TPR: variants seen among roughly 807,000 people sequenced by gnomAD.
TPR encodes the protein nucleoprotein TPR.
Under a neutral mutation model 316.1 loss-of-function variants are expected in TPR, and 51 were observed. The ratio of observed to expected loss-of-function variants is 0.16; its 90% CI spans 0.13 to 0.20. The LOEUF (loss-of-function observed/expected upper bound fraction) is 0.20, where lower values mean the gene tolerates loss of function less well. Among genes scored for constraint, TPR ranks in the 10% least tolerant of loss-of-function variants. The pLI is 1.00. For missense variants in TPR, 2,272 were observed against 2,754.8 expected, an observed-to-expected ratio of 0.82 and a Z score of 3.92; for synonymous variants, 981 against 914.7, an observed-to-expected ratio of 1.07 and a Z score of -1.31.
intron 48 of TPR, among the ~76,000 whole-genome samples, chr1:186,318,034 T>A (rs1281954352): frequency 6.6e-6 from 1 of 152,222 alleles, no homozygotes; most frequent in East Asian, 1.9e-4. Context: ...AGATAGGCTA[T>A]GGGTATGTAA....
chr1:186,328,905 T>C (rs1455301153), intron 39 of TPR, among the ~76,000 whole-genome samples: 1 of 152,190 alleles, frequency 6.6e-6, no homozygotes, highest in African/African-American at 2.4e-5. Context: ...AAGCACTCAC[T>C]AAAATCAATT....
In TPR at chr1:186,343,987, A is replaced by C; in HGVS notation, c.3521T>G (p.Val1174Gly). 6.2e-7 allele frequency: 1 copy of C among 1,614,132 alleles called. No individual in the cohort carries two copies. ...CAGTGGACCTTGTACACCTTCCTTC[A>C]CAGAGGCAACGACCTTGTCACTTAA... The part of the protein sequence containing the change: ...EKLSDKVVAS[V>G]KEGVQGPLNV... The change falls in exon 26 of 51, where the codon GTG becomes GGG. Residue 1174 changes from valine (V) to glycine (G), a missense_variant. Physicochemically the swap from Val to Gly is moderately radical, Grantham distance 109 (BLOSUM62 -3). Transcript: ENST00000367478.
At position 186,343,910 on chromosome 1, in the gene TPR, G is replaced by A. The variant is rs747184771; in HGVS notation, c.3598C>T (p.Leu1200Phe). The part of the protein sequence containing the change: ...GKSQEQILEI[L>F]RFIRREKEIA... ...AGCAGTAAGAACATGATTTACCTGAGAATTTCCAAAATTTGTTCTTGAGAT... is the reference window on the plus strand; with the variant it reads ...AGCAGTAAGAACATGATTTACCTGAAAATTTCCAAAATTTGTTCTTGAGAT... Residue 1200 changes from leucine to phenylalanine, a missense_variant, in exon 26 of 51, where the codon CTC becomes TTC. Leu to Phe is a conservative substitution (Grantham distance 22). Coordinates refer to ENST00000367478, the MANE Select transcript of TPR (RefSeq NM_003292.3). The A allele has an allele frequency of 6.8e-6, 11 of 1,612,324 alleles. No individual in the cohort carries two copies. Among genetic ancestry groups the A allele is most frequent in the Non-Finnish European group, 8.5e-7 (1 of 1,179,186 alleles).
At chr1:186,369,044 T>G (rs972935481) in intron 3 of TPR, among the ~76,000 whole-genome samples, 1 of 152,224 alleles carries the variant, frequency 6.6e-6, no homozygotes, top group African/African-American at 2.4e-5. Context: ...GCACCCTTGT[T>G]GAAATTAGTT....
At chr1:186,329,967 A>T (rs555062823) in intron 39 of TPR, among the ~76,000 whole-genome samples, 1 of 152,268 alleles carries the variant, frequency 6.6e-6, no homozygotes, top group East Asian at 1.9e-4. Flanking sequence ...ACTTCGGTAC[A>T]CTACTTTATC....
In TPR at chr1:186,313,393, A is replaced by G. The variant is rs1571590084; in HGVS notation, c.*578T>C. On this transcript the variant is annotated 3_prime_UTR_variant, in exon 51 of 51. Coordinates refer to ENST00000367478, the MANE Select transcript of TPR (RefSeq NM_003292.3). ...TGTATTTTTTAAAAGGAATAACCCC[A>G]AGTAAATTATTTTTCAAACTTGGTT... 1 of 375,584 alleles carries G rather than the reference A, an allele frequency of 2.7e-6. No individual in the cohort carries two copies. Among genetic ancestry groups the G allele is most frequent in the Non-Finnish European group, 4.8e-6 (1 of 206,984 alleles). The allele number at this position is 375,584 out of a possible 1,614,324, so 23.3% of individuals were successfully genotyped here. A position where few individuals can be genotyped will look rare whatever the true frequency, so the allele number is the denominator to read the frequency against.
chr1:186,321,832 T>C (rs2102052783), intron 45 of TPR, among the ~76,000 whole-genome samples: 1 of 152,330 alleles, frequency 6.6e-6, no homozygotes, highest in Non-Finnish European at 1.5e-5. Context: ...ATGATCATTG[T>C]AATTACCAAC....
At chr1:186,352,245 A>G in intron 18 of TPR, 135 bp from the exon 19 acceptor site, 1 of 726,328 alleles carries the variant, frequency 1.4e-6, no homozygotes, top group Non-Finnish European at 1.9e-6. Flanking sequence ...CTCATTGTAT[A>G]AGGAAATACA....
At position 186,333,106 on chromosome 1, in the gene TPR, T is replaced by C. The variant is rs749639675; in HGVS notation, c.5455+16A>G. Reference sequence around the variant, plus strand: ...TGCATAGGTCTACTCTGACTTCATTTTAAAATTAATTTTACCTGTGCCAAA... The same window carrying C: ...TGCATAGGTCTACTCTGACTTCATTCTAAAATTAATTTTACCTGTGCCAAA... On this transcript the variant is annotated intron_variant, in intron 37 of 50. Coordinates refer to ENST00000367478, the MANE Select transcript of TPR (RefSeq NM_003292.3). The C allele has an allele frequency of 6.2e-7, 1 of 1,611,378 alleles. No individual in the cohort carries two copies. Among genetic ancestry groups the C allele is most frequent in the Non-Finnish European group, 8.5e-7 (1 of 1,178,452 alleles).
At chr1:186,349,043 T>C (rs907229202) in intron 21 of TPR, among the ~76,000 whole-genome samples, 10 of 152,300 alleles carry the variant, frequency 6.6e-5, no homozygotes, top group African/African-American at 2.2e-4. Context: ...GATAAACTCA[T>C]CATAATTTGA....
intron 2 of TPR, among the ~76,000 whole-genome samples, chr1:186,372,976 C>G (rs3124815): frequency 0.036 from 5,494 of 152,264 alleles, 118 homozygotes; most frequent in Non-Finnish European, 0.048. Context: ...CTCTCTACTT[C>G]TTTAGTTGCA....
intron 30 of TPR, among the ~76,000 whole-genome samples, chr1:186,338,576 C>T (rs769094717): frequency 5.3e-5 from 8 of 152,208 alleles, no homozygotes; most frequent in Non-Finnish European, 1.0e-4. Context: ...CTTCCTACTG[C>T]ACTGAGTATT....
In TPR at chr1:186,337,015, T is replaced by C. The variant is rs780889419; in HGVS notation, c.4504A>G (p.Lys1502Glu). The C allele has an allele frequency of 1.2e-6, 2 of 1,613,790 alleles. No individual in the cohort carries two copies. The highest frequency in any genetic ancestry group is 4.5e-5 in the East Asian group (2 of 44,866). ...SLESQVENLQKTLSEKETEAR... is the reference protein window; with the variant it reads ...SLESQVENLQETLSEKETEAR... Reference sequence around the variant, plus strand: ...ACAGACTGTTCTCACACTCATACCTTCTGCAGATTCTCTACTTGACTTTCA... The same window carrying C: ...ACAGACTGTTCTCACACTCATACCTCCTGCAGATTCTCTACTTGACTTTCA... The change falls in exon 32 of 51, where the codon AAG becomes GAG. Residue 1502 changes from lysine (K) to glutamate (E), a missense_variant and splice_region_variant. Around this residue, in one of 10 missense-constraint regions of TPR, gnomAD observed 101 missense variants for 113.0 expected, o/e 0.89. Coordinates refer to ENST00000367478, the MANE Select transcript of TPR (RefSeq NM_003292.3).
intron 5 of TPR, among the ~76,000 whole-genome samples, 162 bp downstream of exon 5, chr1:186,363,180 C>T (rs917656812): frequency 6.6e-6 from 1 of 151,922 alleles, no homozygotes; most frequent in East Asian, 1.9e-4. Flanking sequence ...TTCAAACAAG[C>T]AAAACAGATG....
chr1:186,326,145 T>C lies in TPR; in HGVS notation c.5980A>G (p.Ser1994Gly). 6.2e-7 allele frequency: 1 copy of C among 1,613,044 alleles called. No individual in the cohort carries two copies. The highest frequency in any genetic ancestry group is 8.5e-7 in the Non-Finnish European group (1 of 1,179,076). ...EGEDSNEGTG[S>G]ADGNDGYEAD... ...TCATAACCATCATTGCCATCGGCAC[T>C]ACCAGTTCCTTCATTACTATCTTCA... The change falls in exon 41 of 51, where the codon AGT becomes GGT. Residue 1994 changes from serine to glycine, a missense_variant. Around this residue, in one of 10 missense-constraint regions of TPR, gnomAD observed 435 missense variants for 461.1 expected, o/e 0.94. Coordinates refer to ENST00000367478, the MANE Select transcript of TPR (RefSeq NM_003292.3).
chr1:186,356,663 A>G, intron 14 of TPR: 1 of 430,814 alleles, frequency 2.3e-6, no homozygotes, highest in Non-Finnish European at 4.1e-6. Context: ...AATCTGAAAA[A>G]TTTGTTTGTA....
At chr1:186,339,949 T>A (rs1007678289) in intron 29 of TPR, among the ~76,000 whole-genome samples, 177 bp from the exon 30 acceptor site, 1 of 152,086 alleles carries the variant, frequency 6.6e-6, no homozygotes, top group Non-Finnish European at 1.5e-5. Context: ...GGCTAAGAAG[T>A]CTACCCACAA....
intron 49 of TPR, among the ~76,000 whole-genome samples, chr1:186,316,511 T>C (rs557359130): frequency 6.6e-6 from 1 of 152,284 alleles, no homozygotes; most frequent in South Asian, 2.1e-4. Context: ...CATGGCAGAG[T>C]TTGAGAATTA....
chr1:186,327,305 T>TA (rs1557994245), intron 40 of TPR, among the ~76,000 whole-genome samples, 155 bp downstream of exon 40: 1 of 71,096 alleles, frequency 1.4e-5, no homozygotes, highest in African/African-American at 5.7e-5. Flanking sequence ...ATATAATATA[T>TA]AATATATTAA....
Sources: gnomAD v4.1 joint callset for allele counts (sites outside exome capture counted in the v4.1 genomes callset) on GRCh38, gnomAD v4.1.1 for gene constraint, gnomAD v4.1.1 regional missense constraint, MANE v1.5 for transcripts, NCBI Gene and HGNC (gene_info 2026-07-23, HGNC 2026-07-21) for gene names.